WDPCP: variants seen among roughly 807,000 people sequenced by gnomAD.
WDPCP encodes the protein WD repeat containing planar cell polarity effector, also known as WD repeat-containing and planar cell polarity effector protein fritz homolog.
In WDPCP, 71 loss-of-function variants were observed where a neutral mutation model predicts 93.1. The observed-to-expected ratio is 0.76, with a 90% CI of 0.63 to 0.93. WDPCP has a LOEUF of 0.93. WDPCP is among the 40% of genes least tolerant of loss of function. The pLI is 0.00. For synonymous variants in WDPCP, 315 were observed against 315.0 expected (o/e 1.00, Z 0.00); for missense variants, 844 against 887.4 (o/e 0.95, Z 0.62).
chr2:63,344,351 A>T (rs1239363989), intron 12 of WDPCP, among the ~76,000 whole-genome samples: 2 of 152,028 alleles, frequency 1.3e-5, no homozygotes, highest in Non-Finnish European at 2.9e-5. Flanking sequence ...CAAAGACAAA[A>T]ATTTTCCGAG....
At chr2:63,521,085 T>C (rs377359494) in intron 1 of WDPCP, among the ~76,000 whole-genome samples, 134 of 152,226 alleles carry the variant, frequency 8.8e-4, no homozygotes, top group South Asian at 2.1e-3. Flanking sequence ...AAGGAAAGAC[T>C]GTCACCAGCC....
At chr2:63,599,304 A>G (rs1199892592) in intron 3 of WDPCP, 4 of 1,605,740 alleles carry the variant, frequency 2.5e-6, no homozygotes, top group Admixed American at 1.7e-5. Context: ...TAAGAAAAAT[A>G]TATTTTAAAT....
chr2:63,235,497 A>G (rs10206458), intron 14 of WDPCP, among the ~76,000 whole-genome samples: 50,865 of 152,042 alleles, frequency 0.33, 9,779 homozygotes, highest in Non-Finnish European at 0.43. Context: ...AACTCATTCT[A>G]TGATGCCAGA....
intron 1 of WDPCP, among the ~76,000 whole-genome samples, chr2:63,552,329 T>C: frequency 6.6e-6 from 1 of 151,854 alleles, no homozygotes; most frequent in African/African-American, 2.4e-5. Context: ...CCTACTCTAA[T>C]GCATAAAAAT....
chr2:63,180,552 A>G (rs1434820753), intron 14 of WDPCP, among the ~76,000 whole-genome samples: 1 of 152,284 alleles, frequency 6.6e-6, no homozygotes, highest in East Asian at 1.9e-4. Context: ...TCCATTGCAC[A>G]TATATACTAC....
At chr2:63,463,571 C>T (rs970057319) in intron 6 of WDPCP, among the ~76,000 whole-genome samples, 1 of 152,100 alleles carries the variant, frequency 6.6e-6, no homozygotes, top group African/African-American at 2.4e-5. Context: ...TTGGAGGATT[C>T]GCATTTCCTG....
At chr2:63,145,395 G>T (rs1474642433) in intron 17 of WDPCP, among the ~76,000 whole-genome samples, 6 of 152,116 alleles carry the variant, frequency 3.9e-5, no homozygotes, top group African/African-American at 1.4e-4. Flanking sequence ...GGCTAGGCAT[G>T]TCTGAGCTCA....
chr2:63,152,553 T>G (rs1671958351), intron 17 of WDPCP, among the ~76,000 whole-genome samples: 1 of 152,200 alleles, frequency 6.6e-6, no homozygotes, highest in Non-Finnish European at 1.5e-5. Flanking sequence ...ATTACAGGCA[T>G]GAGCCACCGC....
chr2:63,583,457 G>A (rs558289052), intron 1 of WDPCP, among the ~76,000 whole-genome samples: 11 of 152,262 alleles, frequency 7.2e-5, no homozygotes, highest in Admixed American at 4.6e-4. Flanking sequence ...GGCCAGGCGG[G>A]CGGATCAGGA....
intron 17 of WDPCP, among the ~76,000 whole-genome samples, chr2:63,130,390 CT>C (rs1318072996): frequency 2.0e-5 from 3 of 152,104 alleles, no homozygotes; most frequent in Admixed American, 6.5e-5. Context: ...ATTAAATGGT[CT>C]TGGCACCCTT....
chr2:63,697,299 T>C (rs1668973999), intron 2 of WDPCP, among the ~76,000 whole-genome samples: 1 of 152,184 alleles, frequency 6.6e-6, no homozygotes, highest in African/African-American at 2.4e-5. Flanking sequence ...ATGAGGAATT[T>C]GCAGAAATTA....
intron 14 of WDPCP, among the ~76,000 whole-genome samples, chr2:63,177,942 A>G (rs1559177292): frequency 6.6e-6 from 1 of 152,126 alleles, no homozygotes; most frequent in Non-Finnish European, 1.5e-5. Flanking sequence ...AAGAACATCA[A>G]ATTTTGTCAA....
intron 12 of WDPCP, chr2:63,378,133 A>G (rs1259682811): frequency 6.3e-6 from 3 of 475,468 alleles, no homozygotes; most frequent in African/African-American, 3.9e-5. Context: ...CATTGACTTT[A>G]CATAGCTTTC....
chr2:63,734,153 A>T (rs1669603857), intron 2 of WDPCP, among the ~76,000 whole-genome samples: 1 of 152,202 alleles, frequency 6.6e-6, no homozygotes, highest in Non-Finnish European at 1.5e-5. Context: ...CAGTTGATGA[A>T]CATTTTCAGT....
intron 1 of WDPCP, among the ~76,000 whole-genome samples, chr2:63,548,981 G>A (rs1038553848): frequency 1.3e-5 from 2 of 152,112 alleles, no homozygotes; most frequent in African/African-American, 4.8e-5. Context: ...AGGCGTGGTG[G>A]CTCACACCTG....
intron 17 of WDPCP, among the ~76,000 whole-genome samples, chr2:63,128,296 C>T (rs1266131699): frequency 6.6e-6 from 1 of 152,242 alleles, no homozygotes; most frequent in East Asian, 1.9e-4. Context: ...TACCTAGAAA[C>T]TCACTCAAAC....
intron 13 of WDPCP, among the ~76,000 whole-genome samples, chr2:63,285,483 C>T (rs977343462): frequency 1.3e-4 from 19 of 148,184 alleles, no homozygotes; most frequent in Non-Finnish European, 1.6e-4. Flanking sequence ...GATTATTGTA[C>T]TAGATGAAAA....
chr2:63,553,411 CA>C (rs1224031655), intron 1 of WDPCP, among the ~76,000 whole-genome samples: 2 of 152,050 alleles, frequency 1.3e-5, no homozygotes, highest in Admixed American at 6.5e-5. Flanking sequence ...TTGGTTAGGT[CA>C]GGGGATGAAT....
At chr2:63,799,305 A>G (rs368852336) in intron 2 of WDPCP, among the ~76,000 whole-genome samples, 11 of 152,314 alleles carry the variant, frequency 7.2e-5, no homozygotes, top group African/African-American at 2.2e-4. Flanking sequence ...AGAGTGAACC[A>G]TAGAAGATAA....
Sources: gnomAD v4.1 joint callset for allele counts (sites outside exome capture counted in the v4.1 genomes callset) on GRCh38, gnomAD v4.1.1 for gene constraint, MANE v1.5 for transcripts, NCBI Gene and HGNC (gene_info 2026-07-23, HGNC 2026-07-21) for gene names.